Variants in THSD7B observed in about 807,000 individuals in gnomAD.
THSD7B encodes the protein thrombospondin type 1 domain containing 7B, also known as thrombospondin type-1 domain-containing protein 7B.
Under a neutral mutation model 213.6 loss-of-function variants are expected in THSD7B, and 138 were observed. That is an observed-to-expected ratio of 0.65 (90% CI 0.56 to 0.74). The LOEUF (loss-of-function observed/expected upper bound fraction) is 0.74, where lower values mean the gene tolerates loss of function less well. Ranked by LOEUF, THSD7B falls within the 30% of genes least tolerant of loss-of-function variation. THSD7B has a pLI of 0.00. For synonymous variants in THSD7B, 742 were observed against 687.0 expected (o/e 1.08, Z -1.25); for missense variants, 1,931 against 1,991.5 (o/e 0.97, Z 0.58).
At chr2:136,893,417 C>A (rs2105004070) in intron 2 of THSD7B, among the ~76,000 whole-genome samples, 1 of 152,200 alleles carries the variant, frequency 6.6e-6, no homozygotes, top group African/African-American at 2.4e-5. Flanking sequence ...CCTTTTTCGG[C>A]CATGGCAGAG....
At chr2:137,596,576 A>G (rs1681961035) in intron 17 of THSD7B, among the ~76,000 whole-genome samples, 1 of 152,054 alleles carries the variant, frequency 6.6e-6, no homozygotes, top group South Asian at 2.1e-4. Flanking sequence ...CTTCAATCAA[A>G]TTAATCAAAG....
intron 20 of THSD7B, among the ~76,000 whole-genome samples, chr2:137,625,613 A>G (rs1682610600): frequency 6.6e-6 from 1 of 152,224 alleles, no homozygotes; most frequent in South Asian, 2.1e-4. Context: ...ATACTGGTGC[A>G]AGAGATGGGC....
chr2:137,231,176 A>G lies in THSD7B; in HGVS notation c.1856A>G (p.Asn619Ser). Residue 619 changes from asparagine (N) to serine (S), a missense_variant, in exon 8 of 28, where the codon AAT becomes AGT. Transcript: ENST00000409968. ...EWSSCSQSCSNKNSDGKQTRS... is the reference protein window; with the variant it reads ...EWSSCSQSCSSKNSDGKQTRS... The stretch of plus-strand genomic sequence containing the variant: ...TCATCCTGTTCCCAGTCCTGTTCAA[A>G]TAAAAACTCAGATGGGAAACAGACC... 6.2e-7 allele frequency: 1 copy of G among 1,613,536 alleles called. No individual in the cohort carries two copies.
At chr2:136,874,794 G>A (rs1191047159) in intron 1 of THSD7B, among the ~76,000 whole-genome samples, 1 of 152,082 alleles carries the variant, frequency 6.6e-6, no homozygotes, top group Non-Finnish European at 1.5e-5. Flanking sequence ...TGGATGCTAA[G>A]ATATATAGTA....
chr2:137,244,192 TTAAAGA>T (rs1681973141), intron 10 of THSD7B, among the ~76,000 whole-genome samples: 4 of 152,346 alleles, frequency 2.6e-5, no homozygotes, highest in African/African-American at 9.6e-5. Context: ...TTTCAAGCTC[TTAAAGA>T]TAAATATTGA....
At chr2:137,396,884 C>T (rs550191699) in intron 12 of THSD7B, among the ~76,000 whole-genome samples, 7 of 151,114 alleles carry the variant, frequency 4.6e-5, no homozygotes, top group Admixed American at 2.6e-4. Flanking sequence ...ATAGTTAGCT[C>T]TTCTTGTTGA....
At chr2:136,967,862 G>A (rs150774273) in intron 2 of THSD7B, among the ~76,000 whole-genome samples, 2,478 of 152,226 alleles carry the variant, frequency 0.016, 34 homozygotes, top group Middle Eastern at 0.02. Context: ...TTATGTAAAT[G>A]AAATTATACT....
intron 1 of THSD7B, among the ~76,000 whole-genome samples, chr2:136,840,407 G>A (rs1682904274): frequency 6.6e-6 from 1 of 152,004 alleles, no homozygotes; most frequent in Admixed American, 6.6e-5. Flanking sequence ...AAAGAATATT[G>A]AGAAAGAAAT....
intron 17 of THSD7B, among the ~76,000 whole-genome samples, chr2:137,575,742 A>ATATATATATATT (rs1235744133): frequency 6.8e-6 from 1 of 147,328 alleles, no homozygotes; most frequent in African/African-American, 2.4e-5. Context: ...ATATATATAT[A>ATATATATATATT]TTTTTACTTT....
chr2:137,244,721 T>A (rs1248295216), intron 10 of THSD7B, among the ~76,000 whole-genome samples: 8 of 152,180 alleles, frequency 5.3e-5, no homozygotes, highest in Non-Finnish European at 1.5e-5. Context: ...AGCTTGGCAG[T>A]CAGGGACCTA....
At chr2:137,051,660 C>T (rs772570231) in intron 2 of THSD7B, among the ~76,000 whole-genome samples, 1 of 152,074 alleles carries the variant, frequency 6.6e-6, no homozygotes, top group South Asian at 2.1e-4. Flanking sequence ...ACCCCTTGCC[C>T]AAGTTAAAAA....
intron 15 of THSD7B, among the ~76,000 whole-genome samples, chr2:137,545,533 A>G (rs1680691165): frequency 6.6e-6 from 1 of 151,892 alleles, no homozygotes; most frequent in Non-Finnish European, 1.5e-5. Flanking sequence ...CCAACCAAGG[A>G]ATCCAATAAT....
At chr2:136,858,426 A>G (rs1307688445) in intron 1 of THSD7B, among the ~76,000 whole-genome samples, 2 of 152,218 alleles carry the variant, frequency 1.3e-5, no homozygotes, top group African/African-American at 2.4e-5. Context: ...ATGCCACACA[A>G]TATAAGGCTA....
intron 3 of THSD7B, among the ~76,000 whole-genome samples, chr2:137,076,143 G>A (rs1687617682): frequency 6.6e-6 from 1 of 152,218 alleles, no homozygotes. Flanking sequence ...GTCTGCAGAG[G>A]TTACTGCTGT....
At chr2:136,787,235 C>CT (rs78935204) in intron 1 of THSD7B, among the ~76,000 whole-genome samples, 16,274 of 150,752 alleles carry the variant, frequency 0.11, 996 homozygotes, top group South Asian at 0.2. Context: ...TTGGATGATT[C>CT]TTTTTTTTTC....
chr2:137,045,552 A>T (rs1302532438), intron 2 of THSD7B, among the ~76,000 whole-genome samples: 1 of 152,252 alleles, frequency 6.6e-6, no homozygotes, highest in Non-Finnish European at 1.5e-5. Flanking sequence ...ACTGCAGTTG[A>T]CCATAGGTAA....
chr2:136,782,981 T>C (rs1573636149), intron 1 of THSD7B, among the ~76,000 whole-genome samples: 1 of 152,228 alleles, frequency 6.6e-6, no homozygotes, highest in South Asian at 2.1e-4. Context: ...TTCCCTAATA[T>C]ATGAATTTCA....
intron 12 of THSD7B, among the ~76,000 whole-genome samples, chr2:137,405,363 A>G (rs570504187): frequency 9.2e-5 from 14 of 152,270 alleles, no homozygotes; most frequent in African/African-American, 3.1e-4. Context: ...AATTACTGGA[A>G]GTTATTTTGG....
At chr2:137,585,883 C>A (rs1178550883) in intron 17 of THSD7B, among the ~76,000 whole-genome samples, 2 of 152,150 alleles carry the variant, frequency 1.3e-5, no homozygotes. Flanking sequence ...AGTTCAATTC[C>A]TGGATATCCC....
Sources: gnomAD v4.1 joint callset for allele counts (sites outside exome capture counted in the v4.1 genomes callset) on GRCh38, gnomAD v4.1.1 for gene constraint, MANE v1.5 for transcripts, NCBI Gene and HGNC (gene_info 2026-07-23, HGNC 2026-07-21) for gene names.